The following FIP1L1 variants were observed in gnomAD, a reference collection of about 807,000 sequenced individuals.
FIP1L1 encodes factor interacting with PAPOLA and CPSF1.
A neutral mutation model predicts 84.6 loss-of-function variants in FIP1L1; 21 were observed. That is an observed-to-expected ratio of 0.25 (90% confidence interval 0.18 to 0.36). FIP1L1 has a LOEUF of 0.36. FIP1L1 is among the 10% of genes least tolerant of loss of function. FIP1L1 has a pLI of 1.00. For missense variants in FIP1L1, 526 were observed against 751.1 expected (o/e 0.70, Z 3.50); for synonymous variants, 263 against 242.3 (o/e 1.09, Z -0.80).
intron 13 of FIP1L1, among the ~76,000 whole-genome samples, chr4:53,439,250 AT>A (rs1468268953): frequency 6.6e-6 from 1 of 152,092 alleles, no homozygotes; most frequent in Non-Finnish European, 1.5e-5. Context: ...TAACCTCAGG[AT>A]GGATGAGAAT....
intron 13 of FIP1L1, among the ~76,000 whole-genome samples, chr4:53,438,485 AACATTT>A (rs1244814164): frequency 6.6e-6 from 1 of 152,216 alleles, no homozygotes; most frequent in African/African-American, 2.4e-5. Flanking sequence ...TGTTTTAATG[AACATTT>A]ACTTATAAAG....
rs1313299468 is a variant in FIP1L1 at position 53,459,365 on chromosome 4, A to G, written c.1701A>G (p.Lys567=). ...GDSHRRHKHK[K]SKRSKEGKEA... Reference sequence around the variant, plus strand: ...GTCACAGGAGACACAAACACAAAAAATCTAAAAGAAGCAAAGAAGGAAAAG... The same window carrying G: ...GTCACAGGAGACACAAACACAAAAAGTCTAAAAGAAGCAAAGAAGGAAAAG... Residue 567 remains lysine, a synonymous_variant, in exon 18 of 18, where the codon AAA becomes AAG. Transcript: ENST00000337488. 2 of 1,613,160 alleles carry G rather than the reference A, an allele frequency of 1.2e-6. No homozygotes were observed. Among genetic ancestry groups the G allele is most frequent in the Non-Finnish European group, 1.7e-6 (2 of 1,179,654 alleles).
rs1264872495 is a variant in FIP1L1 at position 53,460,496 on chromosome 4, C to G, written c.*1047C>G. 5.0e-6 allele frequency: 1 copy of G among 198,182 alleles called. No homozygotes were observed. The highest frequency in any genetic ancestry group is 1.0e-5 in the Non-Finnish European group (1 of 96,296). The allele number at this position is 198,182 out of a possible 1,614,324, so 12.3% of individuals were successfully genotyped here. On this transcript the variant is annotated 3_prime_UTR_variant, in exon 18 of 18. Coordinates refer to ENST00000337488, the MANE Select transcript of FIP1L1 (RefSeq NM_030917.4). ...ATTTATTCTTGTTTGATGAAAGCAA[C>G]GTTTCTCAGCAATGCATTTTAAAAA...
At chr4:53,402,873 A>G (rs540381884) in intron 10 of FIP1L1, among the ~76,000 whole-genome samples, 18 of 152,342 alleles carry the variant, frequency 1.2e-4, no homozygotes, top group African/African-American at 3.8e-4. Flanking sequence ...TGGACCGTTC[A>G]TTCATAAGAA....
At chr4:53,437,983 C>CGGAAA (rs770806330) in intron 13 of FIP1L1, among the ~76,000 whole-genome samples, 3 of 151,996 alleles carry the variant, frequency 2.0e-5, no homozygotes, top group Non-Finnish European at 2.9e-5. Context: ...CCTTGGCCTC[C>CGGAAA]GGAAGTACTG....
chr4:53,389,127 A>C (rs763236989), intron 5 of FIP1L1, among the ~76,000 whole-genome samples: 1 of 152,234 alleles, frequency 6.6e-6, no homozygotes, highest in Admixed American at 6.5e-5. Flanking sequence ...ACCACCGGCA[A>C]ACACTGTTCT....
At chr4:53,442,598 C>A (rs1772443277) in intron 13 of FIP1L1, 55 bp from the exon 14 acceptor site, 2 of 1,236,322 alleles carry the variant, frequency 1.6e-6, no homozygotes, top group Admixed American at 1.7e-5. Context: ...TTGTTTCACT[C>A]TTGACATTAA....
chr4:53,415,117 A>T (rs1467555976), intron 11 of FIP1L1, among the ~76,000 whole-genome samples: 1 of 152,134 alleles, frequency 6.6e-6, no homozygotes. Flanking sequence ...ATTTGACTCT[A>T]CTGAATCTTT....
chr4:53,410,708 T>C (rs1273254164), intron 10 of FIP1L1, among the ~76,000 whole-genome samples: 1 of 152,126 alleles, frequency 6.6e-6, no homozygotes, highest in African/African-American at 2.4e-5. Context: ...TAACTATTTG[T>C]TTAAGAATGT....
chr4:53,417,759 ACACACTCTCT>A (rs1447764351), intron 11 of FIP1L1, among the ~76,000 whole-genome samples: 7 of 54,170 alleles, frequency 1.3e-4, no homozygotes, highest in East Asian at 9.4e-4. Flanking sequence ...ACACACACAC[ACACACTCTCT>A]CTCTCTCTCT....
At chr4:53,456,830 G>A (rs1719329030) in intron 16 of FIP1L1, among the ~76,000 whole-genome samples, 1 of 152,044 alleles carries the variant, frequency 6.6e-6, no homozygotes, top group Non-Finnish European at 1.5e-5. Context: ...TCCCATCACA[G>A]GGCTGCTTTC....
At chr4:53,398,424 T>C (rs1191987904) in intron 9 of FIP1L1, among the ~76,000 whole-genome samples, 1 of 152,228 alleles carries the variant, frequency 6.6e-6, no homozygotes, top group Non-Finnish European at 1.5e-5. Context: ...CTGACTATAA[T>C]GGCTCAAGTG....
Position 53,439,120 on chromosome 4 carries a change from A to G in FIP1L1, c.1175-3533A>G, listed in dbSNP as rs192373332. Among the ~76,000 whole-genome samples the G allele has an allele frequency of 3.6e-3, 543 of 152,270 alleles. 1 individual carries two copies. Among genetic ancestry groups the G allele is most frequent in the Non-Finnish European group, 5.9e-3 (403 of 67,968 alleles). On this transcript the variant is annotated intron_variant, in intron 13 of 17. Transcript: ENST00000337488. The stretch of plus-strand genomic sequence containing the variant: ...TAAAGAAAATTAGGTTGTAGTATAT[A>G]TTAAAAACATTTAATGATCTGCCTT...
intron 4 of FIP1L1, among the ~76,000 whole-genome samples, chr4:53,383,489 C>G (rs535065508): frequency 6.6e-6 from 1 of 152,138 alleles, no homozygotes; most frequent in South Asian, 2.1e-4. Context: ...TGGTGAAACC[C>G]TGTCTCTGCT....
intron 16 of FIP1L1, among the ~76,000 whole-genome samples, chr4:53,454,826 TCTCTA>T (rs1579221776): frequency 6.6e-6 from 1 of 152,190 alleles, no homozygotes; most frequent in East Asian, 1.9e-4. Flanking sequence ...TGCCTTCTCC[TCTCTA>T]GCTATGAAAG....
chr4:53,381,753 C>CTTTTTTTTTT lies in FIP1L1; in HGVS notation c.171-510_171-501dup, dbSNP rs531488760. On this transcript the variant is annotated intron_variant, in intron 3 of 17. Coordinates refer to ENST00000337488, the MANE Select transcript of FIP1L1 (RefSeq NM_030917.4). Reference sequence around the variant, plus strand: ...AATAAACTGTGAAGGCATTTGCATTCTTTTTTTTTTTTTTTTTTTTTTTTG... The same window carrying CTTTTTTTTTT: ...AATAAACTGTGAAGGCATTTGCATTCTTTTTTTTTTTTTTTTTTTTTTTTTTTTTTTTTTG... Among the ~76,000 whole-genome samples, 581 of 87,896 alleles carry CTTTTTTTTTT rather than the reference C, an allele frequency of 6.6e-3. 86 individuals are homozygous for CTTTTTTTTTT. Among genetic ancestry groups the CTTTTTTTTTT allele is most frequent in the African/African-American group, 0.024 (429 of 17,998 alleles). 57.7% of individuals were successfully genotyped at this position (87,896 alleles called of 152,430 possible).
At chr4:53,385,617 T>C (rs374374734) in intron 5 of FIP1L1, among the ~76,000 whole-genome samples, 1 of 152,222 alleles carries the variant, frequency 6.6e-6, no homozygotes, top group South Asian at 2.1e-4. Context: ...TGTTATTTAG[T>C]TACAGTTGTC....
At chr4:53,420,796 A>G (rs77398461) in intron 11 of FIP1L1, among the ~76,000 whole-genome samples, 2,779 of 152,260 alleles carry the variant, frequency 0.018, 88 homozygotes, top group African/African-American at 0.064. Context: ...GTACCACAAA[A>G]CTAAAAGATC....
chr4:53,415,797 C>G (rs1759239125), intron 11 of FIP1L1, among the ~76,000 whole-genome samples: 1 of 152,048 alleles, frequency 6.6e-6, no homozygotes, highest in South Asian at 2.1e-4. Flanking sequence ...GTTAGTCATT[C>G]TTAAAAGTGG....
Sources: allele counts gnomAD v4.1 joint callset (sites outside exome capture counted in the v4.1 genomes callset), GRCh38; gene constraint gnomAD v4.1.1; transcripts MANE v1.5; gene names NCBI Gene and HGNC (gene_info 2026-07-23, HGNC 2026-07-21).